Variants in TAF1B observed in about 807,000 individuals in gnomAD.
The protein encoded by TAF1B is TATA-box binding protein associated factor, RNA polymerase I subunit B.
Under a neutral mutation model 83.9 loss-of-function variants are expected in TAF1B, and 61 were observed. The observed-to-expected ratio is 0.73, with a 90% CI of 0.59 to 0.90. The LOEUF (loss-of-function observed/expected upper bound fraction) is 0.90. TAF1B is among the 40% of genes least tolerant of loss of function. TAF1B has a pLI of 0.00. For synonymous variants in TAF1B, 221 were observed against 224.6 expected (o/e 0.98, Z 0.14); for missense variants, 625 against 677.0 (o/e 0.92, Z 0.85).
At chr2:9,902,565 C>T (rs995430331) in intron 8 of TAF1B, among the ~76,000 whole-genome samples, 1 of 152,154 alleles carries the variant, frequency 6.6e-6, no homozygotes, top group Admixed American at 6.5e-5. Flanking sequence ...TTCATTGTTA[C>T]ATGTAGCACA....
intron 5 of TAF1B, among the ~76,000 whole-genome samples, chr2:9,855,978 C>A (rs1447994257): frequency 6.6e-6 from 1 of 152,282 alleles, no homozygotes; most frequent in South Asian, 2.1e-4. Context: ...TCTATAGTTA[C>A]TCTTCATATG....
intron 7 of TAF1B, among the ~76,000 whole-genome samples, chr2:9,878,161 C>G (rs960811746): frequency 2.6e-5 from 4 of 151,996 alleles, no homozygotes; most frequent in African/African-American, 9.7e-5. Context: ...AATCAGAAAC[C>G]CTGGGGTAGG....
intron 9 of TAF1B, among the ~76,000 whole-genome samples, chr2:9,908,352 A>G (rs1665416320): frequency 1.3e-5 from 2 of 152,184 alleles, no homozygotes; most frequent in East Asian, 1.9e-4. Flanking sequence ...TGGCCAAGAT[A>G]TTAATTTTAA....
intron 13 of TAF1B, 123 bp downstream of exon 13, chr2:9,919,234 C>T (rs368107089): frequency 1.3e-6 from 1 of 743,020 alleles, no homozygotes; most frequent in South Asian, 1.8e-5. Flanking sequence ...TTCCAGGGCA[C>T]ATGTACATCC....
At chr2:9,889,230 T>A (rs1182115560) in intron 8 of TAF1B, among the ~76,000 whole-genome samples, 1 of 152,134 alleles carries the variant, frequency 6.6e-6, no homozygotes, top group Non-Finnish European at 1.5e-5. Flanking sequence ...ACTAATTACA[T>A]GCTAGACCAC....
rs550876231 is a variant in TAF1B at position 9,843,532 on chromosome 2, C to T, written c.-10C>T. On this transcript the variant is annotated 5_prime_UTR_variant, in exon 1 of 15. Transcript: ENST00000263663. ...CGGGTCCCGGCTGTGGAAGCTCCCGCGGCGCCGCGATGGACCTCGAGGAGG... is the reference window on the plus strand; with the variant it reads ...CGGGTCCCGGCTGTGGAAGCTCCCGTGGCGCCGCGATGGACCTCGAGGAGG... 2 of 1,522,674 alleles carry T rather than the reference C, an allele frequency of 1.3e-6. No homozygotes were observed. Among genetic ancestry groups the T allele is most frequent in the African/African-American group, 2.9e-5 (2 of 70,032 alleles). 94.3% of individuals were successfully genotyped at this position (1,522,674 alleles called of 1,614,324 possible).
chr2:9,893,893 G>A (rs774194736), intron 8 of TAF1B, among the ~76,000 whole-genome samples: 5 of 152,124 alleles, frequency 3.3e-5, no homozygotes, highest in Admixed American at 6.6e-5. Flanking sequence ...CTTAAGTTGG[G>A]TAGTGGATTC....
At chr2:9,895,903 G>C (rs991813544) in intron 8 of TAF1B, among the ~76,000 whole-genome samples, 1 of 147,748 alleles carries the variant, frequency 6.8e-6, no homozygotes, top group South Asian at 2.1e-4. Context: ...GGAGCCTGCT[G>C]TTGTGTAACA....
At chr2:9,894,166 T>C (rs1330725812) in intron 8 of TAF1B, among the ~76,000 whole-genome samples, 1 of 152,178 alleles carries the variant, frequency 6.6e-6, no homozygotes, top group African/African-American at 2.4e-5. Context: ...CTACTATAAT[T>C]CCGTCTACAA....
At chr2:9,896,664 C>T in intron 8 of TAF1B, among the ~76,000 whole-genome samples, 1 of 105,462 alleles carries the variant, frequency 9.5e-6, no homozygotes. Context: ...CCTTTTCAAA[C>T]CTTTATCCCA....
intron 5 of TAF1B, 42 bp downstream of exon 5, chr2:9,854,463 G>T: frequency 2.1e-6 from 3 of 1,448,790 alleles, no homozygotes; most frequent in East Asian, 2.3e-5. Flanking sequence ...AAACATGTCT[G>T]TTGAGATGTA....
intron 5 of TAF1B, among the ~76,000 whole-genome samples, chr2:9,857,213 G>A (rs1572218221): frequency 6.6e-6 from 1 of 152,218 alleles, no homozygotes; most frequent in Non-Finnish European, 1.5e-5. Flanking sequence ...ACCAAGACCA[G>A]TTGAATGCAG....
chr2:9,923,365 T>C (rs886287845), intron 14 of TAF1B, among the ~76,000 whole-genome samples: 1 of 151,954 alleles, frequency 6.6e-6, no homozygotes, highest in African/African-American at 2.4e-5. Context: ...AAAGTTGAGC[T>C]GCATCTACAA....
At chr2:9,902,391 G>C (rs1665209140) in intron 8 of TAF1B, among the ~76,000 whole-genome samples, 1 of 152,144 alleles carries the variant, frequency 6.6e-6, no homozygotes, top group Non-Finnish European at 1.5e-5. Flanking sequence ...TCTGCTGGGT[G>C]CTCCCTTCCA....
At chr2:9,849,484 T>A in intron 3 of TAF1B, 24 bp downstream of exon 3, 1 of 1,455,320 alleles carries the variant, frequency 6.9e-7, no homozygotes. Context: ...TCATATGTAC[T>A]TAACATTCTT....
At chr2:9,856,814 A>G (rs929711527) in intron 5 of TAF1B, among the ~76,000 whole-genome samples, 1 of 152,240 alleles carries the variant, frequency 6.6e-6, no homozygotes, top group East Asian at 1.9e-4. Context: ...AAGCTGATGT[A>G]TGAATTAGTA....
At chr2:9,881,460 T>C (rs1664505641) in intron 7 of TAF1B, among the ~76,000 whole-genome samples, 2 of 152,208 alleles carry the variant, frequency 1.3e-5, no homozygotes, top group Admixed American at 1.3e-4. Flanking sequence ...CTCACTTTCC[T>C]TAATTTTCTT....
At chr2:9,865,696 C>T (rs1319048733) in intron 5 of TAF1B, among the ~76,000 whole-genome samples, 2 of 151,824 alleles carry the variant, frequency 1.3e-5, no homozygotes, top group African/African-American at 2.4e-5. Flanking sequence ...TACTACAAGG[C>T]TACAGTAACC....
chr2:9,901,431 G>A (rs968528279), intron 8 of TAF1B, among the ~76,000 whole-genome samples: 1 of 152,172 alleles, frequency 6.6e-6, no homozygotes, highest in African/African-American at 2.4e-5. Context: ...TGACTTTCAT[G>A]TATCAGCTTT....
Sources: gnomAD v4.1 joint callset for allele counts (sites outside exome capture counted in the v4.1 genomes callset) on GRCh38, gnomAD v4.1.1 for gene constraint, MANE v1.5 for transcripts, NCBI Gene and HGNC (gene_info 2026-07-23, HGNC 2026-07-21) for gene names.